NEBL: variants seen among roughly 807,000 people sequenced by gnomAD.
NEBL encodes the protein nebulette.
In NEBL, 122 loss-of-function variants were observed where a neutral mutation model predicts 140.2. The ratio of observed to expected loss-of-function variants is 0.87; its 90% CI spans 0.75 to 1.01. NEBL has a LOEUF of 1.01. Ranked by LOEUF, NEBL falls within the 50% of genes least tolerant of loss-of-function variation. NEBL has a pLI of 0.00. For synonymous variants in NEBL, 436 were observed against 398.9 expected (o/e 1.09, Z -1.11); for missense variants, 1,365 against 1,231.3 (o/e 1.11, Z -1.62).
At chr10:20,937,067 C>T (rs1424396345) in intron 4 of NEBL, among the ~76,000 whole-genome samples, 1 of 152,132 alleles carries the variant, frequency 6.6e-6, no homozygotes, top group African/African-American at 2.4e-5. Flanking sequence ...TTGCACCTGC[C>T]AAGTGCAGCC....
At chr10:20,840,908 T>C (rs1841357310) in intron 12 of NEBL, 59 bp from the exon 13 acceptor site, 1 of 958,444 alleles carries the variant, frequency 1.0e-6, no homozygotes, top group Non-Finnish European at 1.6e-6. Flanking sequence ...TTCAGTGTGC[T>C]ATTCTACATG....
At chr10:21,108,794 T>A (rs1837835926) in intron 2 of NEBL, among the ~76,000 whole-genome samples, 1 of 151,998 alleles carries the variant, frequency 6.6e-6, no homozygotes, top group Non-Finnish European at 1.5e-5. Flanking sequence ...TGTGTGGGAG[T>A]CTAAGTCTCT....
At position 21,276,296 on chromosome 10, in the gene NEBL, T is replaced by TA. The variant is rs555552448; in HGVS notation, n.182+16533dup. Among the ~76,000 whole-genome samples the TA allele has an allele frequency of 2.0e-5, 3 of 152,134 alleles. No individual in the cohort carries two copies. In the South Asian group the frequency reaches 6.2e-4, roughly 32 times the overall value. ...CCAACTTACCACCTTTCTGTGCTTA[T>TA]AAAAACCTAGAATTTTTCTTCTACA... On this transcript the variant is annotated intron_variant and non_coding_transcript_variant, in intron 1 of 8. Transcript: ENST00000675702.
At chr10:20,831,682 A>ATGAAGT (rs1247340917) in intron 14 of NEBL, 99 bp from the exon 15 acceptor site, 2 of 760,708 alleles carry the variant, frequency 2.6e-6, no homozygotes, top group Non-Finnish European at 4.6e-6. Context: ...GTCTTTTGGA[A>ATGAAGT]TGAAGTTGAA....
At chr10:20,928,498 A>G (rs1035640456) in intron 4 of NEBL, among the ~76,000 whole-genome samples, 1 of 152,188 alleles carries the variant, frequency 6.6e-6, no homozygotes, top group Non-Finnish European at 1.5e-5. Flanking sequence ...CTTAAGCGCT[A>G]AGAAAAAGGA....
At position 20,828,533 on chromosome 10, in the gene NEBL, A is replaced by G. The variant is rs1206155356; in HGVS notation, c.1773T>C (p.Ser591=). 6.4e-7 allele frequency: 1 copy of G among 1,570,564 alleles called. No individual in the cohort carries two copies. Among genetic ancestry groups the G allele is most frequent in the Admixed American group, 1.7e-5 (1 of 59,810 alleles). Residue 591 remains serine, a synonymous_variant, in exon 17 of 28, where the codon AGT becomes AGC. Coordinates refer to ENST00000377122, the MANE Select transcript of NEBL (RefSeq NM_006393.3). ...AAAAGAAGTAATGGCTACTCACCGCACTAATGTTTTGTTGAGTTGTCTTAA... is the reference window on the plus strand; with the variant it reads ...AAAAGAAGTAATGGCTACTCACCGCGCTAATGTTTTGTTGAGTTGTCTTAA... The part of the protein sequence containing the change: ...QRIKTTQQNI[S]AVFYKKEVGA...
intron 1 of NEBL, among the ~76,000 whole-genome samples, chr10:21,277,974 A>C (rs1842945023): frequency 6.6e-6 from 1 of 152,204 alleles, no homozygotes; most frequent in African/African-American, 2.4e-5. Context: ...ATATTCAATG[A>C]CAAAAGACCC....
intron 1 of NEBL, among the ~76,000 whole-genome samples, chr10:21,291,428 C>T (rs1411212007): frequency 6.6e-6 from 1 of 151,406 alleles, no homozygotes; most frequent in Non-Finnish European, 1.5e-5. Context: ...ATTGCTTGAA[C>T]CCAGGAGGCA....
chr10:21,192,508 T>A (rs905384071), intron 3 of NEBL, among the ~76,000 whole-genome samples: 2 of 151,094 alleles, frequency 1.3e-5, no homozygotes, highest in East Asian at 2.0e-4. Context: ...CATTTTTTTT[T>A]AAATGCCAGT....
chr10:21,275,807 A>AAT (rs1410446130), intron 1 of NEBL, among the ~76,000 whole-genome samples: 52 of 113,774 alleles, frequency 4.6e-4, no homozygotes, highest in African/African-American at 1.7e-3. Flanking sequence ...CACCCAGCTA[A>AAT]TTTTTTTTTT....
chr10:20,902,178 C>T (rs10828144), upstream of NEBL, among the ~76,000 whole-genome samples: 83,301 of 151,792 alleles, frequency 0.55, 24,277 homozygotes, highest in Non-Finnish European at 0.64. Flanking sequence ...CCGAGACAGG[C>T]GGATCATGAG....
At chr10:20,890,015 T>C in intron 2 of NEBL, 66 bp from the exon 3 acceptor site, 3 of 1,053,700 alleles carry the variant, frequency 2.8e-6, no homozygotes, top group East Asian at 2.4e-5. Context: ...CTTTTTTGAA[T>C]GATAATTAGG....
intron 2 of NEBL, among the ~76,000 whole-genome samples, chr10:21,076,350 C>A (rs1244344395): frequency 7.0e-6 from 1 of 142,900 alleles, no homozygotes; most frequent in Non-Finnish European, 1.5e-5. Context: ...AAGGCTGAGG[C>A]AGGAGAATCG....
chr10:21,210,759 CAGAG>C (rs1339861236), intron 3 of NEBL, among the ~76,000 whole-genome samples: 1 of 152,188 alleles, frequency 6.6e-6, no homozygotes, highest in Admixed American at 6.5e-5. Context: ...CTGAGACTCA[CAGAG>C]AGGAGGAACA....
At chr10:20,941,180 A>G (rs912065353) in intron 4 of NEBL, among the ~76,000 whole-genome samples, 19 of 152,120 alleles carry the variant, frequency 1.2e-4, no homozygotes, top group Admixed American at 3.9e-4. Context: ...TGATGCAAAA[A>G]TCCTCAATAA....
chr10:21,101,576 C>A (rs1837479625), intron 2 of NEBL, among the ~76,000 whole-genome samples: 1 of 152,224 alleles, frequency 6.6e-6, no homozygotes, highest in African/African-American at 2.4e-5. Context: ...AGAGCCCCTG[C>A]ATTAGCTAGG....
intron 4 of NEBL, among the ~76,000 whole-genome samples, chr10:20,946,693 C>T (rs919791385): frequency 9.9e-5 from 15 of 152,200 alleles, no homozygotes; most frequent in Admixed American, 2.6e-4. Context: ...TCAAACACCG[C>T]GCCAGTCCCG....
intron 26 of NEBL, among the ~76,000 whole-genome samples, chr10:20,793,699 G>A (rs771598696): frequency 2.0e-5 from 3 of 151,926 alleles, no homozygotes; most frequent in Non-Finnish European, 2.9e-5. Context: ...GACTACAGGT[G>A]CATGCTACCA....
intron 3 of NEBL, among the ~76,000 whole-genome samples, chr10:21,199,133 T>C (rs1303140900): frequency 1.3e-5 from 2 of 151,760 alleles, no homozygotes; most frequent in African/African-American, 2.4e-5. Flanking sequence ...CAAGCAATCC[T>C]CCCACCTCAG....
Sources: gnomAD v4.1 joint callset for allele counts (sites outside exome capture counted in the v4.1 genomes callset) on GRCh38, gnomAD v4.1.1 for gene constraint, MANE v1.5 for transcripts, NCBI Gene and HGNC (gene_info 2026-07-23, HGNC 2026-07-21) for gene names.